LDB2: variants seen among roughly 807,000 people sequenced by gnomAD.
LDB2 encodes LIM domain-binding protein 2.
A neutral mutation model predicts 44.3 loss-of-function variants in LDB2; 12 were observed. The ratio of observed to expected loss-of-function variants is 0.27; its 90% CI spans 0.17 to 0.44. The LOEUF is 0.44. LDB2 is among the 20% of genes least tolerant of loss of function. LDB2 has a pLI of 1.00. For missense variants in LDB2, 344 were observed against 473.5 expected, an observed-to-expected ratio of 0.73 and a Z score of 2.54; for synonymous variants, 164 against 174.8, an observed-to-expected ratio of 0.94 and a Z score of 0.49.
At chr4:16,829,280 CT>C (rs895569260) in intron 1 of LDB2, among the ~76,000 whole-genome samples, 7 of 152,170 alleles carry the variant, frequency 4.6e-5, no homozygotes, top group Non-Finnish European at 8.8e-5. Context: ...TTGTAAGTAG[CT>C]GTTAGCACCA....
At chr4:16,559,093 C>T (rs1290041827) in intron 5 of LDB2, among the ~76,000 whole-genome samples, 10 of 152,174 alleles carry the variant, frequency 6.6e-5, no homozygotes, top group Non-Finnish European at 7.3e-5. Context: ...ACAACCGGTA[C>T]CAGCCACTGC....
chr4:16,752,408 AT>A, intron 2 of LDB2: 1 of 452,746 alleles, frequency 2.2e-6, no homozygotes, highest in Non-Finnish European at 4.4e-6. Flanking sequence ...TTAACTCACC[AT>A]TTTCCATTAA....
At chr4:16,819,903 T>G (rs574166140) in intron 1 of LDB2, among the ~76,000 whole-genome samples, 1 of 152,342 alleles carries the variant, frequency 6.6e-6, no homozygotes, top group East Asian at 1.9e-4. Flanking sequence ...TGACCTTGTT[T>G]CTCTGATCCT....
intron 1 of LDB2, among the ~76,000 whole-genome samples, chr4:16,866,744 T>C (rs1002072953): frequency 6.6e-6 from 1 of 152,222 alleles, no homozygotes; most frequent in African/African-American, 2.4e-5. Context: ...AAACGTCCTG[T>C]CTTGGTAACA....
intron 2 of LDB2, among the ~76,000 whole-genome samples, chr4:16,719,084 G>GA (rs35448128): frequency 0.53 from 78,853 of 148,188 alleles, 21,666 homozygotes; most frequent in East Asian, 0.78. Context: ...TGCAAAAGAA[G>GA]AAAAAAAAAA....
At chr4:16,739,610 G>GTA (rs1224959824) in intron 2 of LDB2, among the ~76,000 whole-genome samples, 1 of 52,660 alleles carries the variant, frequency 1.9e-5, no homozygotes, top group African/African-American at 7.8e-5. Context: ...ATATATATAT[G>GTA]TATATATACA....
chr4:16,784,937 A>C (rs549212650), intron 1 of LDB2, among the ~76,000 whole-genome samples: 28 of 152,124 alleles, frequency 1.8e-4, no homozygotes, highest in African/African-American at 4.3e-4. Context: ...TGCCACCCTT[A>C]AATACCCTCC....
intron 1 of LDB2, among the ~76,000 whole-genome samples, chr4:16,826,092 CTAGA>C (rs1220454335): frequency 2.0e-5 from 3 of 148,928 alleles, no homozygotes; most frequent in East Asian, 3.9e-4. Flanking sequence ...GGATTATAGA[CTAGA>C]TAGAGAAATA....
chr4:16,612,732 C>T (rs765098000), intron 2 of LDB2, among the ~76,000 whole-genome samples: 1 of 152,092 alleles, frequency 6.6e-6, no homozygotes, highest in Non-Finnish European at 1.5e-5. Flanking sequence ...AACAAAAAAG[C>T]CCAGGACCGG....
chr4:16,713,189 T>C (rs1410015316), intron 2 of LDB2, among the ~76,000 whole-genome samples: 4 of 152,184 alleles, frequency 2.6e-5, no homozygotes, highest in African/African-American at 9.7e-5. Flanking sequence ...GGGCTAGAAG[T>C]AGAAAGTAGG....
At chr4:16,864,497 TGTAAA>T (rs1483287465) in intron 1 of LDB2, among the ~76,000 whole-genome samples, 3 of 152,058 alleles carry the variant, frequency 2.0e-5, no homozygotes, top group Non-Finnish European at 4.4e-5. Context: ...TCGGGTAAAA[TGTAAA>T]GTAAACACTA....
At chr4:16,830,773 T>C (rs1783920029) in intron 1 of LDB2, among the ~76,000 whole-genome samples, 1 of 152,216 alleles carries the variant, frequency 6.6e-6, no homozygotes, top group Non-Finnish European at 1.5e-5. Context: ...CAGCAGAAGT[T>C]ATTGGACCCG....
At chr4:16,662,322 G>A (rs1264243137) in intron 2 of LDB2, among the ~76,000 whole-genome samples, 1 of 152,090 alleles carries the variant, frequency 6.6e-6, no homozygotes, top group Non-Finnish European at 1.5e-5. Context: ...TTTGTTGAAA[G>A]ATGAAAATAA....
At chr4:16,505,241 C>T (rs1213076250) in intron 7 of LDB2, among the ~76,000 whole-genome samples, 3 of 152,074 alleles carry the variant, frequency 2.0e-5, no homozygotes, top group Admixed American at 2.0e-4. Context: ...GAAAAGATGT[C>T]TAGGCATAGG....
At chr4:16,570,462 C>CAA (rs71181175) in intron 5 of LDB2, among the ~76,000 whole-genome samples, 399 of 16,602 alleles carry the variant, frequency 0.024, 178 homozygotes, top group Non-Finnish European at 0.055. Context: ...GACTCTGTCT[C>CAA]AAAAAAAAAA....
intron 7 of LDB2, among the ~76,000 whole-genome samples, chr4:16,504,729 G>T (rs1204405205): frequency 6.6e-6 from 1 of 152,226 alleles, no homozygotes; most frequent in East Asian, 1.9e-4. Context: ...CAGCTGCAGT[G>T]TTACCTGTTT....
intron 1 of LDB2, among the ~76,000 whole-genome samples, chr4:16,833,860 C>T (rs1047124332): frequency 1.3e-5 from 2 of 152,098 alleles, no homozygotes; most frequent in African/African-American, 4.8e-5. Context: ...TTCTATTACT[C>T]AGTCTATTCC....
chr4:16,797,598 T>C (rs1333378693), intron 1 of LDB2, among the ~76,000 whole-genome samples: 1 of 152,148 alleles, frequency 6.6e-6, no homozygotes, highest in Admixed American at 6.5e-5. Context: ...GCTGTTACAT[T>C]CTCGGGTCCT....
chr4:16,879,190 C>T (rs1200787985), intron 1 of LDB2, among the ~76,000 whole-genome samples: 1 of 152,122 alleles, frequency 6.6e-6, no homozygotes, highest in East Asian at 1.9e-4. Flanking sequence ...ATATAATATT[C>T]CCTATTGCAA....
Sources: gnomAD v4.1 joint callset for allele counts (sites outside exome capture counted in the v4.1 genomes callset) on GRCh38, gnomAD v4.1.1 for gene constraint, MANE v1.5 for transcripts, NCBI Gene and HGNC (gene_info 2026-07-23, HGNC 2026-07-21) for gene names.